AP2A2: variants seen among roughly 807,000 people sequenced by gnomAD.
AP2A2 encodes the protein AP-2 complex subunit alpha-2.
AP2A2 carries 32 observed loss-of-function variants against 104.2 expected under a neutral mutation model. The observed-to-expected ratio is 0.31, with a 90% CI of 0.23 to 0.41. The LOEUF is 0.41. Among genes scored for constraint, AP2A2 ranks in the 10% least tolerant of loss-of-function variants. The pLI is 1.00. For missense variants in AP2A2, 912 were observed against 1,261.0 expected, an observed-to-expected ratio of 0.72 and a Z score of 4.19; for synonymous variants, 539 against 533.3, an observed-to-expected ratio of 1.01 and a Z score of -0.15.
At chr11:948,800 G>C (rs1178923471) in intron 1 of AP2A2, among the ~76,000 whole-genome samples, 1 of 152,002 alleles carries the variant, frequency 6.6e-6, no homozygotes, top group East Asian at 1.9e-4. Flanking sequence ...CCAGGAGGTA[G>C]AGGTTGCAGT....
intron 1 of AP2A2, among the ~76,000 whole-genome samples, chr11:949,722 C>T (rs1564788072): frequency 1.3e-5 from 2 of 151,374 alleles, no homozygotes; most frequent in Non-Finnish European, 2.9e-5. Context: ...TGGCAGTGAG[C>T]CGAGATCACG....
rs759201775 is a variant in AP2A2, at chr11:1,000,534, G to A, written c.2059G>A (p.Val687Met). The change falls in exon 15 of 22, where the codon GTG (valine) becomes ATG (methionine). Residue 687 changes from valine (V) to methionine (M), a missense_variant. Physicochemically the swap from Val to Met is conservative, Grantham distance 21. Transcript: ENST00000448903. ...CGGCGGCAGCGGGCTGCTCGTGGAC[G>A]TGTTCTCAGACTCGGCCTCTGTGGT... Reference protein sequence around the residue: ...SSGGSGLLVDVFSDSASVVAP... With the variant: ...SSGGSGLLVDMFSDSASVVAP... The A allele has an allele frequency of 6.5e-7, 1 of 1,547,426 alleles. No individual in the cohort carries two copies. The highest frequency in any genetic ancestry group is 1.2e-5 in the South Asian group (1 of 84,652).
intron 1 of AP2A2, among the ~76,000 whole-genome samples, chr11:927,152 C>T (rs993377530): frequency 6.6e-6 from 1 of 152,110 alleles, no homozygotes; most frequent in Non-Finnish European, 1.5e-5. Context: ...CTCAACCTCC[C>T]ACCTCAAGTG....
In AP2A2 at chr11:990,421, C is replaced by T. The variant is rs535496543; in HGVS notation, c.1269+1732C>T. 6.6e-5 allele frequency among the ~76,000 whole-genome samples: 10 copies of T among 152,224 alleles called. No individual in the cohort carries two copies. In the South Asian group the frequency reaches 1.0e-3, roughly 16 times the overall value. The stretch of plus-strand genomic sequence containing the variant: ...GGGTGGGGCTGGCTCTGGGGACGGC[C>T]GTCACGGGAGCCTCGTTCCTGATTG... On this transcript the variant is annotated intron_variant, in intron 10 of 21. Transcript: ENST00000448903.
intron 19 of AP2A2, 43 bp from the exon 20 acceptor site, chr11:1,009,285 C>A (rs976155090): frequency 2.0e-5 from 32 of 1,611,082 alleles, no homozygotes; most frequent in Non-Finnish European, 2.7e-5. Flanking sequence ...GGGTTTTGGT[C>A]TCTGGCCTGG....
At chr11:928,702 C>A (rs117569518) in intron 1 of AP2A2, among the ~76,000 whole-genome samples, 10,436 of 152,338 alleles carry the variant, frequency 0.069, 435 homozygotes, top group South Asian at 0.11. Flanking sequence ...CATTGAATAA[C>A]ACAGCCCCTC....
chr11:970,457 C>T (rs1854779590), intron 3 of AP2A2, 146 bp downstream of exon 3: 2 of 1,054,034 alleles, frequency 1.9e-6, no homozygotes, highest in Non-Finnish European at 2.7e-6. Context: ...GACGCGTGCC[C>T]AGTCCTTGTT....
intron 1 of AP2A2, among the ~76,000 whole-genome samples, chr11:944,939 G>C (rs913610163): frequency 2.0e-5 from 3 of 152,160 alleles, no homozygotes; most frequent in African/African-American, 7.2e-5. Context: ...GCTTTATAAA[G>C]ACTGTGGCTC....
At chr11:1,009,964 T>C in intron 21 of AP2A2, 147 bp downstream of exon 21, 1 of 1,025,540 alleles carries the variant, frequency 9.8e-7, no homozygotes, top group Non-Finnish European at 1.4e-6. Context: ...CATGGTTGCC[T>C]CCCAGCCTCC....
chr11:947,334 G>A (rs1270466586), intron 1 of AP2A2, among the ~76,000 whole-genome samples: 5 of 152,078 alleles, frequency 3.3e-5, no homozygotes, highest in African/African-American at 4.8e-5. Flanking sequence ...AAAGACAACT[G>A]TACAAAGTAA....
intron 1 of AP2A2, among the ~76,000 whole-genome samples, chr11:934,094 C>G (rs7395592): frequency 0.46 from 69,901 of 151,276 alleles, 17,343 homozygotes; most frequent in Middle Eastern, 0.64. Flanking sequence ...AGTCCTGACT[C>G]CCATGCTAGG....
At chr11:990,970 C>T (rs1419642259) in intron 10 of AP2A2, among the ~76,000 whole-genome samples, 7 of 146,082 alleles carry the variant, frequency 4.8e-5, no homozygotes, top group Admixed American at 2.0e-4. Flanking sequence ...TCCTTTCAGT[C>T]GGGTATGGTG....
chr11:947,582 G>A (rs968374426), intron 1 of AP2A2, among the ~76,000 whole-genome samples: 9 of 152,040 alleles, frequency 5.9e-5, no homozygotes, highest in Admixed American at 5.9e-4. Flanking sequence ...GATCACTTGA[G>A]GTTGGGAGTT....
intron 2 of AP2A2, among the ~76,000 whole-genome samples, chr11:967,954 C>G (rs1220856126): frequency 6.6e-6 from 1 of 152,160 alleles, no homozygotes; most frequent in Non-Finnish European, 1.5e-5. Context: ...AGTACTGAAA[C>G]CAGCATTTTG....
At chr11:980,546 C>T (rs547357191) in intron 5 of AP2A2, among the ~76,000 whole-genome samples, 1 of 150,796 alleles carries the variant, frequency 6.6e-6, no homozygotes, top group South Asian at 2.1e-4. Flanking sequence ...GTGCCGTGTC[C>T]TGGAGCGGTG....
chr11:993,694 G>A lies in AP2A2; in HGVS notation c.1551-60G>A, dbSNP rs36081583. ...CTCGCCGCCGTCCCCCCCCCGCGGG[G>A]GCGTGCTGCAGCCTGCGAGGGGACG... On this transcript the variant is annotated intron_variant, in intron 12 of 21. Coordinates refer to ENST00000448903, the MANE Select transcript of AP2A2 (RefSeq NM_012305.4). The surrounding 1 kb of genome is among the most constrained non-coding windows in gnomAD (Gnocchi z 8.2). The A allele has an allele frequency of 0.25, 333,468 of 1,335,470 alleles. 44,708 individuals carry two copies. The highest frequency in any genetic ancestry group is 0.33 in the Middle Eastern group (1,768 of 5,434). The allele number at this position is 1,335,470 out of a possible 1,614,324, so 82.7% of individuals were successfully genotyped here. A position where few individuals can be genotyped will look rare whatever the true frequency, so the allele number is the denominator to read the frequency against.
At chr11:947,151 C>T (rs1055415638) in intron 1 of AP2A2, among the ~76,000 whole-genome samples, 1 of 151,974 alleles carries the variant, frequency 6.6e-6, no homozygotes, top group Non-Finnish European at 1.5e-5. Context: ...GCTGGGATTA[C>T]AGACTCCCGC....
In AP2A2 at chr11:1,009,308, G is replaced by A. The variant is rs985361561; in HGVS notation, c.2538-20G>A. 3 of 1,612,816 alleles carry A rather than the reference G, an allele frequency of 1.9e-6. No individual in the cohort carries two copies. The highest frequency in any genetic ancestry group is 2.7e-5 in the African/African-American group (2 of 74,906). ...GTCTCTGGCCTGGCTGAGAACACTC[G>A]CCTTTGCTGTTTCTCACAGTCCACA... On this transcript the variant is annotated intron_variant, in intron 19 of 21. Coordinates refer to ENST00000448903, the MANE Select transcript of AP2A2 (RefSeq NM_012305.4).
intron 1 of AP2A2, among the ~76,000 whole-genome samples, chr11:926,289 C>T (rs1853119122): frequency 1.2e-5 from 1 of 82,186 alleles, no homozygotes; most frequent in African/African-American, 4.9e-5. Flanking sequence ...GGTGGGGGTC[C>T]AGGGTCTGGG....
Sources: allele counts gnomAD v4.1 joint callset (sites outside exome capture counted in the v4.1 genomes callset), GRCh38; gene constraint gnomAD v4.1.1; non-coding constraint Gnocchi (gnomAD v3.1); transcripts MANE v1.5; gene names NCBI Gene and HGNC (gene_info 2026-07-23, HGNC 2026-07-21).